Variants in CACNA1E observed in about 807,000 individuals in gnomAD.
CACNA1E encodes the protein voltage-dependent R-type calcium channel subunit alpha-1E.
CACNA1E carries 40 observed loss-of-function variants against 259.2 expected under a neutral mutation model. The observed-to-expected ratio is 0.15, with a 90% CI of 0.12 to 0.20. The LOEUF (loss-of-function observed/expected upper bound fraction) is 0.20. Ranked by LOEUF, CACNA1E falls within the 10% of genes least tolerant of loss-of-function variation. The probability of loss-of-function intolerance (pLI) is 1.00; values close to 1 mark genes in which losing one functional copy is unlikely to be tolerated. For missense variants in CACNA1E, 1,874 were observed against 3,040.1 expected, an observed-to-expected ratio of 0.62 and a Z score of 9.02; for synonymous variants, 1,104 against 1,138.5, an observed-to-expected ratio of 0.97 and a Z score of 0.61.
intron 2 of CACNA1E, among the ~76,000 whole-genome samples, chr1:181,471,720 G>A (rs995509419): frequency 2.6e-5 from 4 of 152,166 alleles, no homozygotes; most frequent in African/African-American, 9.7e-5. Flanking sequence ...TGATTATAGT[G>A]ATATAATTCC....
intron 6 of CACNA1E, among the ~76,000 whole-genome samples, chr1:181,635,757 T>C (rs1489843272): frequency 2.6e-5 from 4 of 152,318 alleles, no homozygotes; most frequent in Non-Finnish European, 4.4e-5. Flanking sequence ...TTTGATTTGG[T>C]TGTGGCTGGA....
chr1:181,472,817 T>A (rs1468844801), intron 2 of CACNA1E, among the ~76,000 whole-genome samples: 1 of 152,190 alleles, frequency 6.6e-6, no homozygotes, highest in Non-Finnish European at 1.5e-5. Context: ...CCGTTCTAAA[T>A]GGCAGGCCTG....
intron 6 of CACNA1E, among the ~76,000 whole-genome samples, chr1:181,642,488 A>C (rs566278036): frequency 6.6e-6 from 1 of 152,274 alleles, no homozygotes; most frequent in South Asian, 2.1e-4. Context: ...TGGGCACTGC[A>C]CAAAACGTTC....
chr1:181,611,015 A>G (rs1654707452), intron 6 of CACNA1E, among the ~76,000 whole-genome samples: 1 of 152,204 alleles, frequency 6.6e-6, no homozygotes, highest in African/African-American at 2.4e-5. Context: ...CCATGATCTT[A>G]GCCTCTACCA....
rs1467303186 is a variant in CACNA1E at position 181,766,531 on chromosome 1, C to T, written c.4816-15C>T. 1 of 1,604,218 alleles carries T rather than the reference C, an allele frequency of 6.2e-7. No individual in the cohort carries two copies. The highest frequency in any genetic ancestry group is 1.1e-5 in the South Asian group (1 of 90,770). On this transcript the variant is annotated splice_polypyrimidine_tract_variant and intron_variant, in intron 34 of 47. Transcript: ENST00000367573. ...CTTTTCTTTGATTAACGTCTTATCT[C>T]TGCTTTCCTTCCAGGCCCTCCCTTA... is the stretch of plus-strand genomic sequence containing the variant.
At chr1:181,700,284 C>T (rs2102370301) in intron 7 of CACNA1E, among the ~76,000 whole-genome samples, 1 of 152,306 alleles carries the variant, frequency 6.6e-6, no homozygotes, top group South Asian at 2.1e-4. Flanking sequence ...ACCCACACAG[C>T]TTCAGGACTG....
At chr1:181,395,635 C>A (rs1044690887) in intron 1 of CACNA1E, among the ~76,000 whole-genome samples, 2 of 152,262 alleles carry the variant, frequency 1.3e-5, no homozygotes, top group East Asian at 3.9e-4. Flanking sequence ...AAGCAGGTAC[C>A]AAGAACCTCC....
chr1:181,514,080 T>TGCTGAGGG (rs1666366532), intron 3 of CACNA1E, among the ~76,000 whole-genome samples: 1 of 152,190 alleles, frequency 6.6e-6, no homozygotes, highest in South Asian at 2.1e-4. Context: ...TTGAGATCCC[T>TGCTGAGGG]GCTGAGGGGC....
chr1:181,768,928 G>A (rs533540270), intron 35 of CACNA1E, among the ~76,000 whole-genome samples: 19 of 152,220 alleles, frequency 1.2e-4, no homozygotes, highest in Non-Finnish European at 2.5e-4. Context: ...TAGCAACAAG[G>A]TATGTCTATG....
chr1:181,655,701 G>A (rs983060210), intron 7 of CACNA1E, among the ~76,000 whole-genome samples: 5 of 152,162 alleles, frequency 3.3e-5, no homozygotes, highest in African/African-American at 1.2e-4. Flanking sequence ...GGCGATGAAC[G>A]GAAGTCTAGG....
chr1:181,779,789 C>A (rs1280439550), intron 38 of CACNA1E, among the ~76,000 whole-genome samples: 1 of 147,798 alleles, frequency 6.8e-6, no homozygotes. Context: ...TTCACATGCA[C>A]ACACTCATGT....
chr1:181,327,992 C>T (rs1240553503), intron 1 of CACNA1E, among the ~76,000 whole-genome samples: 2 of 152,214 alleles, frequency 1.3e-5, no homozygotes, highest in Admixed American at 1.3e-4. Flanking sequence ...TGGAGCCTCT[C>T]TCTTCACGAT....
intron 46 of CACNA1E, among the ~76,000 whole-genome samples, chr1:181,795,787 T>TATATATA (rs1410248740): frequency 7.0e-5 from 10 of 143,710 alleles, no homozygotes; most frequent in Non-Finnish European, 1.4e-4. Flanking sequence ...TATATATATA[T>TATATATA]TAGTCTGGCT....
chr1:181,593,773 G>T (rs1439335617), intron 6 of CACNA1E, among the ~76,000 whole-genome samples: 1 of 152,020 alleles, frequency 6.6e-6, no homozygotes, highest in Admixed American at 6.6e-5. Context: ...TCCTGACCTC[G>T]TGATCCCCCC....
chr1:181,616,148 C>G (rs1655187052), intron 6 of CACNA1E, among the ~76,000 whole-genome samples: 1 of 152,068 alleles, frequency 6.6e-6, no homozygotes, highest in Non-Finnish European at 1.5e-5. Context: ...AGAAACTGGC[C>G]TATAATTTGC....
At chr1:181,589,525 C>A (rs1216141676) in intron 6 of CACNA1E, among the ~76,000 whole-genome samples, 3 of 151,976 alleles carry the variant, frequency 2.0e-5, no homozygotes, top group African/African-American at 7.2e-5. Context: ...AAGCAGAGAT[C>A]TCTGGGAGGA....
At chr1:181,772,289 C>T in intron 37 of CACNA1E, 58 bp downstream of exon 37, 1 of 1,529,186 alleles carries the variant, frequency 6.5e-7, no homozygotes, top group Non-Finnish European at 9.0e-7. Context: ...ACCCCTAACC[C>T]TCTGATACAT....
Position 181,799,679 on chromosome 1 carries a change from C to T in CACNA1E, c.*845C>T, listed in dbSNP as rs1341198833. 2 of 152,300 alleles carry T rather than the reference C, an allele frequency of 1.3e-5. No homozygotes were observed. Among genetic ancestry groups the T allele is most frequent in the Admixed American group, 1.3e-4 (2 of 15,286 alleles). 9.4% of individuals were successfully genotyped at this position (152,300 alleles called of 1,614,324 possible). A position where few individuals can be genotyped will look rare whatever the true frequency, so the allele number is the denominator to read the frequency against. ...TAAAAGTATTTAACAACCGCTATGG[C>T]ATCAATGTAAGTGGAGTTTGGTCCT... On this transcript the variant is annotated 3_prime_UTR_variant, in exon 48 of 48. Coordinates refer to ENST00000367573, the MANE Select transcript of CACNA1E (RefSeq NM_001205293.3).
At chr1:181,636,104 G>T (rs957626531) in intron 6 of CACNA1E, among the ~76,000 whole-genome samples, 1 of 152,132 alleles carries the variant, frequency 6.6e-6, no homozygotes, top group African/African-American at 2.4e-5. Context: ...TCTTTGCCAA[G>T]AATTGCCTGA....
Sources: allele counts gnomAD v4.1 joint callset (sites outside exome capture counted in the v4.1 genomes callset), GRCh38; gene constraint gnomAD v4.1.1; transcripts MANE v1.5; gene names NCBI Gene and HGNC (gene_info 2026-07-23, HGNC 2026-07-21).